Variants in RBFOX1 observed in about 807,000 individuals in gnomAD.
The protein encoded by RBFOX1 is RNA binding fox-1 homolog 1.
A neutral mutation model predicts 57.7 loss-of-function variants in RBFOX1; 8 were observed. That is an observed-to-expected ratio of 0.14 (90% CI 0.08 to 0.25). The LOEUF (loss-of-function observed/expected upper bound fraction) is 0.25. RBFOX1 is among the 10% of genes least tolerant of loss of function. The probability of loss-of-function intolerance (pLI) is 1.00; values close to 1 mark genes in which losing one functional copy is unlikely to be tolerated. For missense variants in RBFOX1, 611 were observed against 548.5 expected, an observed-to-expected ratio of 1.11 and a Z score of -1.14; for synonymous variants, 326 against 222.4, an observed-to-expected ratio of 1.47 and a Z score of -4.15.
intron 3 of RBFOX1, among the ~76,000 whole-genome samples, chr16:5,831,017 C>G (rs535954546): frequency 1.4e-4 from 22 of 152,290 alleles, no homozygotes; most frequent in Middle Eastern, 6.8e-3. Flanking sequence ...TGTAAATTAA[C>G]CTTGCTAATG....
intron 1 of RBFOX1, among the ~76,000 whole-genome samples, chr16:5,404,635 C>T (rs1179607220): frequency 6.6e-6 from 1 of 152,194 alleles, no homozygotes; most frequent in Non-Finnish European, 1.5e-5. Context: ...GAGTTCATCA[C>T]AGAGCCCTGA....
At chr16:6,121,107 G>A (rs190942419) in intron 1 of RBFOX1, among the ~76,000 whole-genome samples, 23 of 152,116 alleles carry the variant, frequency 1.5e-4, no homozygotes, top group Admixed American at 4.6e-4. Context: ...TGTCCAACTG[G>A]CCTGTTGGGA....
At chr16:7,203,959 A>G (rs2089331235) in intron 4 of RBFOX1, among the ~76,000 whole-genome samples, 1 of 152,242 alleles carries the variant, frequency 6.6e-6, no homozygotes, top group Non-Finnish European at 1.5e-5. Context: ...ATAGGGCTGT[A>G]CAAGCTGTGC....
intron 3 of RBFOX1, among the ~76,000 whole-genome samples, chr16:6,691,722 T>A (rs1192742704): frequency 6.6e-6 from 1 of 152,158 alleles, no homozygotes; most frequent in African/African-American, 2.4e-5. Flanking sequence ...CATGGATATG[T>A]CACCGCACAT....
chr16:5,454,973 T>TTCTC (rs1235731430), intron 1 of RBFOX1, among the ~76,000 whole-genome samples: 1 of 86,358 alleles, frequency 1.2e-5, no homozygotes, highest in East Asian at 3.8e-4. Context: ...CTTTCTTTCT[T>TTCTC]TCTTTCTTTC....
At chr16:7,262,567 C>T (rs539212377) in intron 4 of RBFOX1, among the ~76,000 whole-genome samples, 3 of 152,398 alleles carry the variant, frequency 2.0e-5, no homozygotes, top group South Asian at 2.1e-4. Context: ...GCACCCATTG[C>T]TCCTCATTCT....
At chr16:6,129,411 T>C (rs2096613442) in intron 1 of RBFOX1, among the ~76,000 whole-genome samples, 2 of 152,100 alleles carry the variant, frequency 1.3e-5, no homozygotes, top group African/African-American at 2.4e-5. Flanking sequence ...TAACAGTAGA[T>C]TGAAGACTAT....
chr16:6,692,448 C>T (rs971883699), intron 3 of RBFOX1, among the ~76,000 whole-genome samples: 6 of 152,130 alleles, frequency 3.9e-5, no homozygotes, highest in Non-Finnish European at 5.9e-5. Flanking sequence ...ATTATTCTTC[C>T]TAGAACATTG....
At chr16:7,362,371 G>T (rs187929385) in intron 4 of RBFOX1, among the ~76,000 whole-genome samples, 16 of 151,916 alleles carry the variant, frequency 1.1e-4, no homozygotes, top group African/African-American at 3.9e-4. Flanking sequence ...ATGCTAGTGT[G>T]TGTGTATGTG....
chr16:7,401,964 T>C (rs2098251480), intron 4 of RBFOX1, among the ~76,000 whole-genome samples: 1 of 152,220 alleles, frequency 6.6e-6, no homozygotes, highest in African/African-American at 2.4e-5. Context: ...CTGTTAATAA[T>C]ACATCAAGCA....
At chr16:5,513,089 A>G (rs2043663700) in intron 2 of RBFOX1, among the ~76,000 whole-genome samples, 1 of 151,974 alleles carries the variant, frequency 6.6e-6, no homozygotes, top group Non-Finnish European at 1.5e-5. Flanking sequence ...GTTATTTCTT[A>G]TTTTTTGTAC....
At chr16:5,631,524 T>G (rs1178274678) in intron 3 of RBFOX1, among the ~76,000 whole-genome samples, 1 of 151,146 alleles carries the variant, frequency 6.6e-6, no homozygotes, top group Non-Finnish European at 1.5e-5. Context: ...ACCACTGCAC[T>G]CCAGCCTGGT....
intron 4 of RBFOX1, among the ~76,000 whole-genome samples, chr16:7,287,734 G>T (rs1221157652): frequency 6.6e-6 from 1 of 152,198 alleles, no homozygotes. Flanking sequence ...TATCTATGTA[G>T]ATCTATATGT....
rs530239922 is a variant in RBFOX1, at chr16:5,946,091, T to G, written c.351+78756T>G. Among the ~76,000 whole-genome samples, 10 of 152,322 alleles carry G rather than the reference T, an allele frequency of 6.6e-5. No individual in the cohort carries two copies. Among genetic ancestry groups the G allele is most frequent in the Middle Eastern group, 3.4e-3 (1 of 294 alleles). ...ACAGGGTTTTAATTAGTGGACTGAC[T>G]TACCCGCTATTCTTGTCTTTTTAAA... On this transcript the variant is annotated intron_variant, in intron 4 of 19. Coordinates refer to the RBFOX1 transcript ENST00000641259. The surrounding 1 kb of genome is among the most constrained non-coding windows in gnomAD (Gnocchi z 4.6).
At chr16:5,755,959 A>T (rs2096680251) in intron 3 of RBFOX1, among the ~76,000 whole-genome samples, 1 of 152,156 alleles carries the variant, frequency 6.6e-6, no homozygotes, top group Non-Finnish European at 1.5e-5. Flanking sequence ...GAAGTAAAGG[A>T]GCAGGCAGAC....
intron 1 of RBFOX1, among the ~76,000 whole-genome samples, chr16:5,296,589 G>A (rs144139191): frequency 0.019 from 2,857 of 150,590 alleles, 79 homozygotes; most frequent in African/African-American, 0.065. Flanking sequence ...TTTAACAATA[G>A]AGCTCTTGAA....
chr16:5,427,670 A>C (rs1344081169), intron 1 of RBFOX1, among the ~76,000 whole-genome samples: 1 of 152,156 alleles, frequency 6.6e-6, no homozygotes, highest in Non-Finnish European at 1.5e-5. Context: ...CTCAGGACAT[A>C]GACAAGGTTA....
Position 6,593,203 on chromosome 16 carries a change from A to T in RBFOX1, c.-63-61400A>T, listed in dbSNP as rs571456038. ...GTGAAACTCTGTCTCATAAAATAAA[A>T]TAAAAAAGAGAGTGGAGATCACCCT... On this transcript the variant is annotated intron_variant, in intron 2 of 15. Coordinates refer to ENST00000550418, the MANE Select transcript of RBFOX1 (RefSeq NM_018723.4). Among the ~76,000 whole-genome samples, 30 of 152,136 alleles carry T rather than the reference A, an allele frequency of 2.0e-4. 1 individual carries two copies. The South Asian group carries it at 6.2e-3, about 32-fold the overall frequency.
At chr16:7,527,892 T>C (rs1024554807) in intron 5 of RBFOX1, among the ~76,000 whole-genome samples, 2 of 152,200 alleles carry the variant, frequency 1.3e-5, no homozygotes, top group African/African-American at 2.4e-5. Context: ...ATCATAAGAA[T>C]TGTGAAATTT....
Sources: allele counts gnomAD v4.1 joint callset (sites outside exome capture counted in the v4.1 genomes callset), GRCh38; gene constraint gnomAD v4.1.1; non-coding constraint Gnocchi (gnomAD v3.1); transcripts MANE v1.5; gene names NCBI Gene and HGNC (gene_info 2026-07-23, HGNC 2026-07-21).